The following MAD1L1 variants were observed in gnomAD, a reference collection of about 807,000 sequenced individuals.
MAD1L1 encodes the protein mitotic arrest deficient 1 like 1.
Under a neutral mutation model 96.9 loss-of-function variants are expected in MAD1L1, and 95 were observed. The observed-to-expected ratio is 0.98, with a 90% confidence interval of 0.83 to 1.16. MAD1L1 has a LOEUF of 1.16. MAD1L1 is among the 50% of genes most tolerant of loss of function. MAD1L1 has a pLI of 0.00. For synonymous variants in MAD1L1, 473 were observed against 396.6 expected (o/e 1.19, Z -2.29); for missense variants, 1,007 against 954.4 (o/e 1.06, Z -0.73).
rs989224937 is a variant in MAD1L1 at position 2,151,331 on chromosome 7, T to A, written c.987-2093A>T. ...TGCCCAGAACCAGCGGCAGGTGGGGTGGTCACAGGCGGCAGGCTACAGGCT... is the reference window on the plus strand; with the variant it reads ...TGCCCAGAACCAGCGGCAGGTGGGGAGGTCACAGGCGGCAGGCTACAGGCT... On this transcript the variant is annotated intron_variant, in intron 10 of 18. Coordinates refer to ENST00000265854, the MANE Select transcript of MAD1L1 (RefSeq NM_001013836.2). Among the ~76,000 whole-genome samples, 130 of 151,466 alleles carry A rather than the reference T, an allele frequency of 8.6e-4. 1 individual carries two copies. The highest frequency in any genetic ancestry group is 8.5e-3 in the Admixed American group (129 of 15,248).
chr7:2,064,904 A>G (rs970430929), intron 12 of MAD1L1, among the ~76,000 whole-genome samples: 2 of 149,040 alleles, frequency 1.3e-5, no homozygotes, highest in Admixed American at 1.3e-4. Context: ...GTGGCTGCTC[A>G]TGGGAGGACA....
chr7:2,095,528 C>T (rs1178829281), intron 11 of MAD1L1, among the ~76,000 whole-genome samples: 4 of 152,196 alleles, frequency 2.6e-5, no homozygotes, highest in Non-Finnish European at 4.4e-5. Flanking sequence ...GCTGAAGCCG[C>T]GGTCGCTGTT....
At chr7:1,964,335 T>G (rs185603320) in intron 15 of MAD1L1, among the ~76,000 whole-genome samples, 7 of 152,132 alleles carry the variant, frequency 4.6e-5, no homozygotes, top group Non-Finnish European at 1.0e-4. Flanking sequence ...AAGGGCTGAA[T>G]TGGAATGAGC....
chr7:1,885,834 T>G (rs1013812057), intron 18 of MAD1L1, among the ~76,000 whole-genome samples: 3 of 152,026 alleles, frequency 2.0e-5, no homozygotes, highest in Non-Finnish European at 2.9e-5. Flanking sequence ...CTAGGCCGGG[T>G]GGGCCCACTC....
At chr7:2,196,015 A>C (rs977444766) in intron 10 of MAD1L1, among the ~76,000 whole-genome samples, 1 of 152,260 alleles carries the variant, frequency 6.6e-6, no homozygotes, top group African/African-American at 2.4e-5. Context: ...AAAATGCAGG[A>C]TCCAGCTGCA....
intron 12 of MAD1L1, among the ~76,000 whole-genome samples, chr7:2,060,824 G>GT (rs1784631164): frequency 6.6e-6 from 1 of 152,206 alleles, no homozygotes; most frequent in Non-Finnish European, 1.5e-5. Context: ...AAACCACTGA[G>GT]TATCTTCACA....
intron 17 of MAD1L1, among the ~76,000 whole-genome samples, chr7:1,923,901 T>C (rs1175815700): frequency 1.3e-5 from 2 of 152,216 alleles, no homozygotes; most frequent in Non-Finnish European, 2.9e-5. Flanking sequence ...CAAGGTTCAA[T>C]GGCCTGGGAA....
chr7:2,143,740 T>A (rs566251004), intron 11 of MAD1L1, among the ~76,000 whole-genome samples: 1 of 152,230 alleles, frequency 6.6e-6, no homozygotes, highest in African/African-American at 2.4e-5. Context: ...AGGGCTCTTC[T>A]GCCTGGAGGC....
intron 17 of MAD1L1, among the ~76,000 whole-genome samples, chr7:1,922,274 CAG>C (rs1163804036): frequency 2.0e-5 from 3 of 152,290 alleles, no homozygotes; most frequent in Non-Finnish European, 2.9e-5. Context: ...GCCACGAAGG[CAG>C]AGTCTCCATT....
At chr7:1,910,807 G>T (rs1177387961) in intron 17 of MAD1L1, among the ~76,000 whole-genome samples, 1 of 152,230 alleles carries the variant, frequency 6.6e-6, no homozygotes, top group African/African-American at 2.4e-5. Context: ...TGGGGAGCAT[G>T]GCTACGTTTG....
intron 11 of MAD1L1, among the ~76,000 whole-genome samples, chr7:2,101,787 C>T (rs115450814): frequency 0.012 from 1,898 of 152,314 alleles, 37 homozygotes; most frequent in African/African-American, 0.043. Flanking sequence ...ATGCTGCTCA[C>T]CCACTAGACT....
chr7:2,209,081 C>T (rs796473858), intron 10 of MAD1L1, among the ~76,000 whole-genome samples: 4 of 152,206 alleles, frequency 2.6e-5, no homozygotes, highest in Non-Finnish European at 5.9e-5. Context: ...ACTTCAAAGT[C>T]GTAGAAACTA....
chr7:2,145,266 C>T (rs1438027091), intron 11 of MAD1L1, among the ~76,000 whole-genome samples: 2 of 152,228 alleles, frequency 1.3e-5, no homozygotes, highest in East Asian at 1.9e-4. Context: ...GACAGGAATT[C>T]CAGTGCAGCA....
At chr7:2,075,774 G>C (rs980019313) in intron 11 of MAD1L1, among the ~76,000 whole-genome samples, 1 of 152,202 alleles carries the variant, frequency 6.6e-6, no homozygotes, top group Admixed American at 6.5e-5. Flanking sequence ...AAAGTGGCAG[G>C]AGACATTTTA....
chr7:2,118,640 A>C (rs892689981), intron 11 of MAD1L1, among the ~76,000 whole-genome samples: 4 of 152,200 alleles, frequency 2.6e-5, no homozygotes, highest in African/African-American at 9.7e-5. Flanking sequence ...GACGGAAGTG[A>C]AGGAACAGGG....
chr7:2,191,521 A>C (rs921839693), intron 10 of MAD1L1, among the ~76,000 whole-genome samples: 7 of 152,192 alleles, frequency 4.6e-5, no homozygotes, highest in Non-Finnish European at 8.8e-5. Context: ...ACTTGAGCTC[A>C]GGAGTTCGAG....
At chr7:2,042,277 ACG>A (rs202037156) in intron 12 of MAD1L1, among the ~76,000 whole-genome samples, 10,089 of 151,746 alleles carry the variant, frequency 0.066, 1,070 homozygotes, top group African/African-American at 0.23. Context: ...ATGCACACAC[ACG>A]CGCACATGGA....
At chr7:1,906,042 T>C (rs11771451) in intron 17 of MAD1L1, among the ~76,000 whole-genome samples, 42,829 of 118,090 alleles carry the variant, frequency 0.36, 7,745 homozygotes, top group East Asian at 0.49. Flanking sequence ...ACAGTAAGAC[T>C]CCATCTCAAA....
intron 10 of MAD1L1, among the ~76,000 whole-genome samples, chr7:2,174,326 A>T (rs897480258): frequency 3.3e-5 from 5 of 152,122 alleles, no homozygotes; most frequent in African/African-American, 1.2e-4. Context: ...TTCGTATGTA[A>T]CCTATTCTCA....
Sources: gnomAD v4.1 joint callset for allele counts (sites outside exome capture counted in the v4.1 genomes callset) on GRCh38, gnomAD v4.1.1 for gene constraint, MANE v1.5 for transcripts, NCBI Gene and HGNC (gene_info 2026-07-23, HGNC 2026-07-21) for gene names.